TTC8: variants seen among roughly 807,000 people sequenced by gnomAD.
TTC8 encodes the protein tetratricopeptide repeat protein 8.
TTC8 carries 47 observed loss-of-function variants against 72.5 expected under a neutral mutation model. The ratio of observed to expected loss-of-function variants is 0.65; its 90% confidence interval spans 0.51 to 0.83. The LOEUF is 0.83. Ranked by LOEUF, TTC8 falls within the 40% of genes least tolerant of loss-of-function variation. The pLI, the probability that TTC8 is intolerant of heterozygous loss-of-function variation, is 0.00. For synonymous variants in TTC8, 199 were observed against 221.4 expected, an observed-to-expected ratio of 0.90 and a Z score of 0.90; for missense variants, 611 against 623.2, an observed-to-expected ratio of 0.98 and a Z score of 0.21.
At chr14:88,836,316 T>G (rs1450011443) in intron 2 of TTC8, among the ~76,000 whole-genome samples, 1 of 151,714 alleles carries the variant, frequency 6.6e-6, no homozygotes, top group Non-Finnish European at 1.5e-5. Flanking sequence ...CAAAGTGAGA[T>G]CCCATCTCTG....
upstream of TTC8, chr14:88,824,432 C>T (rs2094688686): frequency 1.7e-5 from 8 of 465,864 alleles, no homozygotes; most frequent in South Asian, 1.9e-4. Context: ...AACTCACTAC[C>T]TTTTTGTTTA....
intron 1 of TTC8, among the ~76,000 whole-genome samples, chr14:88,825,548 G>A (rs1289875380): frequency 6.6e-6 from 1 of 152,138 alleles, no homozygotes; most frequent in African/African-American, 2.4e-5. Context: ...GTACGTGAGC[G>A]GTACAATTCT....
At position 88,832,081 on chromosome 14, in the gene TTC8, C is replaced by T. The variant is rs1213417181; in HGVS notation, c.115-1612C>T. 3.3e-5 allele frequency among the ~76,000 whole-genome samples: 5 copies of T among 152,282 alleles called. No homozygotes were observed. In the South Asian group the frequency reaches 1.0e-3, roughly 32 times the overall value. On this transcript the variant is annotated intron_variant, in intron 1 of 14. Transcript: ENST00000380656. ...CCTCACCTGTCTCTGCACCTCCCTA[C>T]TCATTAGGCCTCTCATTTTCTCTTC...
chr14:88,865,752 C>A (rs1216573069), intron 10 of TTC8, among the ~76,000 whole-genome samples: 2 of 151,936 alleles, frequency 1.3e-5, no homozygotes, highest in East Asian at 3.9e-4. Context: ...TCAAAAATAA[C>A]CACTAAAAAT....
chr14:88,857,300 G>T, intron 9 of TTC8, 23 bp downstream of exon 9: 2 of 1,582,722 alleles, frequency 1.3e-6, no homozygotes, highest in Non-Finnish European at 1.7e-6. Context: ...TAATTTGAGT[G>T]AAATCTGCCT....
intron 2 of TTC8, chr14:88,833,978 G>A: frequency 1.9e-6 from 1 of 518,680 alleles, no homozygotes; most frequent in Non-Finnish European, 3.5e-6. Context: ...AAATGACCAA[G>A]ATGGATTAGA....
chr14:88,829,522 G>A (rs1370134578), intron 1 of TTC8, among the ~76,000 whole-genome samples: 1 of 152,140 alleles, frequency 6.6e-6, no homozygotes, highest in Admixed American at 6.5e-5. Context: ...AAACGTAAAG[G>A]TTTTTCAGGC....
chr14:88,828,831 G>T (rs769120374), intron 1 of TTC8, among the ~76,000 whole-genome samples: 1 of 152,000 alleles, frequency 6.6e-6, no homozygotes, highest in African/African-American at 2.4e-5. Context: ...CATTTATTTC[G>T]CCTTTAAGGG....
intron 10 of TTC8, among the ~76,000 whole-genome samples, chr14:88,864,391 C>T (rs1436352934): frequency 1.3e-5 from 2 of 152,190 alleles, no homozygotes; most frequent in Non-Finnish European, 2.9e-5. Context: ...AGTTGGAGCT[C>T]TGACCTTTAG....
intron 8 of TTC8, among the ~76,000 whole-genome samples, chr14:88,853,876 T>C (rs1595960448): frequency 1.3e-5 from 2 of 152,194 alleles, no homozygotes; most frequent in African/African-American, 4.8e-5. Context: ...TGAACAATTC[T>C]ATTTTTAAGT....
At chr14:88,854,147 A>G (rs1242639460) in intron 8 of TTC8, among the ~76,000 whole-genome samples, 3 of 152,230 alleles carry the variant, frequency 2.0e-5, no homozygotes, top group African/African-American at 4.8e-5. Flanking sequence ...CCATTATATC[A>G]TTAAACTCTT....
Position 88,824,677 on chromosome 14 carries a change from C to G in TTC8, c.-31C>G, listed in dbSNP as rs767487058. 5.8e-6 allele frequency: 9 copies of G among 1,542,086 alleles called. No homozygotes were observed. The highest frequency in any genetic ancestry group is 8.0e-6 in the Non-Finnish European group (9 of 1,131,546). ...CTCCACGCCCACCTCTCTCCTGGAG[C>G]GCTGGGCCTTCGCTGGCCGCACCGG... On this transcript the variant is annotated 5_prime_UTR_variant, in exon 1 of 15. Coordinates refer to ENST00000380656, the MANE Select transcript of TTC8 (RefSeq NM_144596.4).
At chr14:88,859,564 G>A (rs1479364781) in intron 9 of TTC8, among the ~76,000 whole-genome samples, 1 of 151,684 alleles carries the variant, frequency 6.6e-6, no homozygotes, top group Non-Finnish European at 1.5e-5. Flanking sequence ...TGGGTAGTAG[G>A]CTTAATTCCT....
chr14:88,852,778 T>A (rs995794131), intron 7 of TTC8, among the ~76,000 whole-genome samples, 193 bp from the exon 8 acceptor site: 3 of 152,222 alleles, frequency 2.0e-5, no homozygotes, highest in Non-Finnish European at 4.4e-5. Flanking sequence ...TCATCTGCTA[T>A]TAGCCCTCTG....
rs187351926 is a variant in TTC8 at position 88,877,581 on chromosome 14, A to G, written c.*171A>G. ...ACACAGAATGTGTAATGCAAATTTC[A>G]TAGTAATAGTAACTTTATAAAATAA... On this transcript the variant is annotated 3_prime_UTR_variant, in exon 15 of 15. Coordinates refer to ENST00000380656, the MANE Select transcript of TTC8 (RefSeq NM_144596.4). 1.4e-4 allele frequency: 74 copies of G among 547,242 alleles called. No homozygotes were observed. In the East Asian group the frequency reaches 2.3e-3, roughly 17 times the overall value. The allele number at this position is 547,242 out of a possible 1,614,324, so 33.9% of individuals were successfully genotyped here.
chr14:88,870,698 A>G (rs75374781), intron 11 of TTC8, among the ~76,000 whole-genome samples: 3,448 of 152,264 alleles, frequency 0.023, 144 homozygotes, highest in African/African-American at 0.078. Context: ...ATTCTCTTTT[A>G]AGTACTTATT....
chr14:88,836,580 A>G (rs1346143296), intron 2 of TTC8, among the ~76,000 whole-genome samples: 2 of 151,804 alleles, frequency 1.3e-5, no homozygotes, highest in African/African-American at 4.8e-5. Context: ...TTTCTTTTCT[A>G]TATTTTGCTT....
At chr14:88,839,680 A>G (rs2094770987) in intron 3 of TTC8, 108 bp downstream of exon 3, 1 of 1,248,246 alleles carries the variant, frequency 8.0e-7, no homozygotes, top group Non-Finnish European at 1.1e-6. Flanking sequence ...ATATATATAA[A>G]CATTATAGAC....
At chr14:88,842,089 GAGAGAA>G (rs1475405024) in intron 6 of TTC8, among the ~76,000 whole-genome samples, 2 of 152,060 alleles carry the variant, frequency 1.3e-5, no homozygotes, top group Admixed American at 6.6e-5. Context: ...GAGGCAGAGG[GAGAGAA>G]AGAGAAAAAG....
Sources: gnomAD v4.1 joint callset for allele counts (sites outside exome capture counted in the v4.1 genomes callset) on GRCh38, gnomAD v4.1.1 for gene constraint, MANE v1.5 for transcripts, NCBI Gene and HGNC (gene_info 2026-07-23, HGNC 2026-07-21) for gene names.